Variants in EHMT1 observed in about 807,000 individuals in gnomAD.
The protein encoded by EHMT1 is histone-lysine N-methyltransferase EHMT1.
A neutral mutation model predicts 147.2 loss-of-function variants in EHMT1; 15 were observed. The ratio of observed to expected loss-of-function variants is 0.10; its 90% confidence interval spans 0.07 to 0.16. The LOEUF (loss-of-function observed/expected upper bound fraction) is 0.16. EHMT1 is among the 10% of genes least tolerant of loss of function. The pLI, the probability that EHMT1 is intolerant of heterozygous loss-of-function variation, is 1.00. For synonymous variants in EHMT1, 795 were observed against 709.6 expected (o/e 1.12, Z -1.91); for missense variants, 1,587 against 1,772.4 (o/e 0.90, Z 1.88).
At chr9:137,647,687 C>T (rs539709396) in intron 1 of EHMT1, among the ~76,000 whole-genome samples, 1 of 151,848 alleles carries the variant, frequency 6.6e-6, no homozygotes, top group South Asian at 2.1e-4. Context: ...CTCCGCCTCC[C>T]AGGTTCCAGT....
chr9:137,781,269 C>CGTGTGGTGATGACGCTGAGAT (rs1564749061), intron 14 of EHMT1, among the ~76,000 whole-genome samples: 3 of 112,132 alleles, frequency 2.7e-5, no homozygotes, highest in African/African-American at 4.2e-5. Context: ...GACGCTGGGA[C>CGTGTGGTGATGACGCTGAGAT]GTGTGGTGAT....
intron 2 of EHMT1, among the ~76,000 whole-genome samples, chr9:137,712,618 A>G (rs1944847553): frequency 6.6e-6 from 1 of 152,072 alleles, no homozygotes; most frequent in Admixed American, 6.5e-5. Context: ...TGTGATTTCA[A>G]ATTGGATTGA....
intron 15 of EHMT1, chr9:137,785,684 C>T (rs1951902764): frequency 6.6e-6 from 1 of 152,204 alleles, no homozygotes; most frequent in African/African-American, 2.4e-5. Flanking sequence ...AAAATTAAAA[C>T]CCAAAAACAT....
chr9:137,800,122 T>C (rs1341281898), intron 17 of EHMT1, among the ~76,000 whole-genome samples: 1 of 152,092 alleles, frequency 6.6e-6, no homozygotes, highest in South Asian at 2.1e-4. Context: ...GTCTGTGACA[T>C]TGGGATGTGC....
chr9:137,743,734 C>T (rs537168710), intron 5 of EHMT1, among the ~76,000 whole-genome samples, 168 bp from the exon 6 acceptor site: 3 of 152,308 alleles, frequency 2.0e-5, no homozygotes, highest in African/African-American at 7.2e-5. Flanking sequence ...CACCACAGCC[C>T]ACCTGTCTGC....
At chr9:137,625,485 G>T (rs773036754) in intron 1 of EHMT1, among the ~76,000 whole-genome samples, 1 of 151,880 alleles carries the variant, frequency 6.6e-6, no homozygotes, top group Non-Finnish European at 1.5e-5. Context: ...CTACAGGCAC[G>T]TGCTACCATG....
At position 137,716,730 on chromosome 9, in the gene EHMT1, A is replaced by C; in HGVS notation, c.190A>C (p.Ser64Arg). ...TNGSCENSDA[S>R]SHANAAKHTQ... ...TGGGTCTTGTGAAAACAGCGATGCC[A>C]GCAGTCATGCAAATGCTGCAAAGCA... The change falls in exon 3 of 27, where the codon AGC becomes CGC. Residue 64 changes from serine (S) to arginine (R), a missense_variant. Ser to Arg is a moderately radical substitution (Grantham distance 110). Transcript: ENST00000460843. 1 of 1,612,474 alleles carries C rather than the reference A, an allele frequency of 6.2e-7. No individual in the cohort carries two copies. The highest frequency in any genetic ancestry group is 8.5e-7 in the Non-Finnish European group (1 of 1,179,342).
At chr9:137,793,599 T>C (rs1051616162) in intron 16 of EHMT1, among the ~76,000 whole-genome samples, 2 of 152,262 alleles carry the variant, frequency 1.3e-5, no homozygotes, top group Non-Finnish European at 2.9e-5. Context: ...CAACAGTGTT[T>C]ACTGCAGCAT....
At chr9:137,809,585 T>C (rs1320022096) in intron 18 of EHMT1, among the ~76,000 whole-genome samples, 1 of 152,212 alleles carries the variant, frequency 6.6e-6, no homozygotes, top group Non-Finnish European at 1.5e-5. Flanking sequence ...TCGCTGACCA[T>C]TCCCGAGGGG....
At chr9:137,658,457 A>G (rs747865297) in intron 1 of EHMT1, among the ~76,000 whole-genome samples, 4 of 152,080 alleles carry the variant, frequency 2.6e-5, no homozygotes, top group Non-Finnish European at 5.9e-5. Flanking sequence ...AGCGCCCAGA[A>G]TGGTCTTTTT....
At position 137,835,035 on chromosome 9, in the gene EHMT1, G is replaced by T; in HGVS notation, c.*82G>T. The T allele has an allele frequency of 1.5e-6, 2 of 1,326,036 alleles. No individual in the cohort carries two copies. Among genetic ancestry groups the T allele is most frequent in the Non-Finnish European group, 1.9e-6 (2 of 1,038,148 alleles). 82.1% of individuals were successfully genotyped at this position (1,326,036 alleles called of 1,614,324 possible). On this transcript the variant is annotated 3_prime_UTR_variant, in exon 27 of 27. Coordinates refer to ENST00000460843, the MANE Select transcript of EHMT1 (RefSeq NM_024757.5). ...AGGACGAGGAGGAGAGATTCCGCAC[G>T]CAACCGAAAGGGTCCTTCGGGGCTG...
At chr9:137,778,755 T>C (rs536533967) in intron 13 of EHMT1, among the ~76,000 whole-genome samples, 1 of 152,340 alleles carries the variant, frequency 6.6e-6, no homozygotes, top group South Asian at 2.1e-4. Context: ...TAGTCTGCTT[T>C]TGTGTCAATA....
At chr9:137,795,901 G>A (rs995459207) in intron 16 of EHMT1, among the ~76,000 whole-genome samples, 2 of 152,080 alleles carry the variant, frequency 1.3e-5, no homozygotes, top group Non-Finnish European at 2.9e-5. Flanking sequence ...AACTAGTAGA[G>A]GAAGTAAAAT....
intron 21 of EHMT1, chr9:137,814,120 A>G (rs1276655112): frequency 1.2e-5 from 4 of 335,968 alleles, no homozygotes; most frequent in Non-Finnish European, 2.2e-5. Flanking sequence ...TGCCTTTCCC[A>G]TCGAGCATCT....
intron 4 of EHMT1, among the ~76,000 whole-genome samples, chr9:137,729,896 T>C (rs186256328): frequency 5.8e-4 from 88 of 152,338 alleles, no homozygotes; most frequent in Admixed American, 1.2e-3. Context: ...CTAATCTCAG[T>C]GTCCTGTTCC....
chr9:137,704,083 T>G (rs1323853199), intron 1 of EHMT1, among the ~76,000 whole-genome samples: 1 of 152,066 alleles, frequency 6.6e-6, no homozygotes, highest in Non-Finnish European at 1.5e-5. Context: ...CCACACACTT[T>G]CCAACAACCA....
chr9:137,636,919 A>G (rs1434356940), intron 1 of EHMT1, among the ~76,000 whole-genome samples: 3 of 131,064 alleles, frequency 2.3e-5, no homozygotes, highest in Non-Finnish European at 3.1e-5. Flanking sequence ...TTTTTTTGAG[A>G]CAGAGTTTCG....
intron 16 of EHMT1, among the ~76,000 whole-genome samples, chr9:137,797,255 T>G (rs560348863): frequency 6.6e-6 from 1 of 152,200 alleles, no homozygotes; most frequent in East Asian, 1.9e-4. Flanking sequence ...ACAGAAGCCT[T>G]TCCTTACCTG....
intron 12 of EHMT1, among the ~76,000 whole-genome samples, chr9:137,777,564 C>A (rs866357475): frequency 6.6e-6 from 1 of 152,164 alleles, no homozygotes; most frequent in East Asian, 1.9e-4. Flanking sequence ...TTCCTATTAA[C>A]CTGTAAATTT....
Sources: gnomAD v4.1 joint callset for allele counts (sites outside exome capture counted in the v4.1 genomes callset) on GRCh38, gnomAD v4.1.1 for gene constraint, MANE v1.5 for transcripts, NCBI Gene and HGNC (gene_info 2026-07-23, HGNC 2026-07-21) for gene names.